Variants in MBD3L1 observed in about 807,000 individuals in gnomAD.
MBD3L1 encodes methyl-CpG binding domain protein 3 like 1.
For missense variants in MBD3L1, 203 were observed against 230.1 expected, an observed-to-expected ratio of 0.88 and a Z score of 0.76; for synonymous variants, 84 against 85.1, an observed-to-expected ratio of 0.99 and a Z score of 0.07.
At chr19:8,839,337 C>G (rs1387153973) in intron 1 of MBD3L1, among the ~76,000 whole-genome samples, 1 of 151,778 alleles carries the variant, frequency 6.6e-6, no homozygotes, top group Non-Finnish European at 1.5e-5. Context: ...GTGTGTGCCA[C>G]CACACCCACC....
intron 1 of MBD3L1, among the ~76,000 whole-genome samples, chr19:8,840,556 C>A (rs1045409844): frequency 2.0e-5 from 3 of 152,184 alleles, no homozygotes; most frequent in African/African-American, 7.2e-5. Flanking sequence ...CCTCCCGCCT[C>A]AGCCTACCAA....
At position 8,843,091 on chromosome 19, in the gene MBD3L1, G is replaced by T; in HGVS notation, c.413G>T (p.Gly138Val). 1 of 1,613,886 alleles carries T rather than the reference G, an allele frequency of 6.2e-7. No individual in the cohort carries two copies. Among genetic ancestry groups the T allele is most frequent in the Non-Finnish European group, 8.5e-7 (1 of 1,179,900 alleles). Reference sequence around the variant, plus strand: ...GAGATAATTCCTGCAGAGGGAGTGGGTATCTCGCAGCTCCTCTGCAAACAA... The same window carrying T: ...GAGATAATTCCTGCAGAGGGAGTGGTTATCTCGCAGCTCCTCTGCAAACAA... ...AVEIIPAEGV[G>V]ISQLLCKQFL... Residue 138 changes from glycine (G) to valine (V), a missense_variant, in exon 3 of 3, where the codon GGT (glycine) becomes GTT (valine). By Grantham distance (109) the Gly-to-Val change is moderately radical (BLOSUM62 -3). Transcript: ENST00000595891.
intron 2 of MBD3L1, among the ~76,000 whole-genome samples, chr19:8,841,419 C>A (rs1290279277): frequency 6.6e-6 from 1 of 152,006 alleles, no homozygotes. Context: ...ATACGGAGGT[C>A]CGGAGTAATT....
chr19:8,838,252 C>CAAA (rs542318207), intron 1 of MBD3L1, among the ~76,000 whole-genome samples: 177 of 11,826 alleles, frequency 0.015, 50 homozygotes, highest in African/African-American at 0.037. Flanking sequence ...GACTCCATCT[C>CAAA]AAAAAAAAAA....
chr19:8,835,697 CAT>C (rs35954838), intron 1 of MBD3L1, among the ~76,000 whole-genome samples: 95,178 of 151,794 alleles, frequency 0.63, 30,577 homozygotes, highest in Middle Eastern at 0.78. Flanking sequence ...GAAATGAAAA[CAT>C]GTGTTCACAT....
chr19:8,842,278 G>T (rs112171049), intron 2 of MBD3L1, among the ~76,000 whole-genome samples: 5,220 of 142,200 alleles, frequency 0.037, 314 homozygotes, highest in African/African-American at 0.13. Context: ...AGTGAGCTGT[G>T]ATTGCACCAC....
intron 1 of MBD3L1, among the ~76,000 whole-genome samples, chr19:8,833,753 C>T (rs986223747): frequency 6.6e-6 from 1 of 152,192 alleles, no homozygotes; most frequent in Admixed American, 6.5e-5. Context: ...CTTTGGGAGG[C>T]CGAGGCAGGC....
At chr19:8,839,608 T>A (rs1164284887) in intron 1 of MBD3L1, among the ~76,000 whole-genome samples, 1 of 152,120 alleles carries the variant, frequency 6.6e-6, no homozygotes, top group Non-Finnish European at 1.5e-5. Flanking sequence ...AGATGAATAA[T>A]GAGAATTCCT....
At chr19:8,838,530 C>T (rs1411341791) in intron 1 of MBD3L1, among the ~76,000 whole-genome samples, 2 of 152,118 alleles carry the variant, frequency 1.3e-5, no homozygotes, top group African/African-American at 4.8e-5. Flanking sequence ...TAGATAAGCA[C>T]CAATATAGCA....
chr19:8,841,624 T>G (rs2044513519), intron 2 of MBD3L1, among the ~76,000 whole-genome samples: 1 of 152,110 alleles, frequency 6.6e-6, no homozygotes, highest in Non-Finnish European at 1.5e-5. Flanking sequence ...TGGTGCGATC[T>G]CGGCTCACTG....
rs1357605278 is a variant in MBD3L1, at chr19:8,837,713, T to G, written c.-106-3202T>G. Reference sequence around the variant, plus strand: ...CAGAGTACCTGAGATCTGAGGATACTTTATACTCTGATAGTCACTTCCGGC... The same window carrying G: ...CAGAGTACCTGAGATCTGAGGATACGTTATACTCTGATAGTCACTTCCGGC... On this transcript the variant is annotated intron_variant, in intron 1 of 2. Transcript: ENST00000595891. Among the ~76,000 whole-genome samples the G allele has an allele frequency of 2.0e-5, 3 of 152,190 alleles. No individual in the cohort carries two copies. The East Asian group carries it at 5.8e-4, about 29-fold the overall frequency.
intron 1 of MBD3L1, among the ~76,000 whole-genome samples, chr19:8,838,883 C>T (rs1032135808): frequency 6.6e-6 from 1 of 152,208 alleles, no homozygotes; most frequent in South Asian, 2.1e-4. Context: ...CAGATAAGGT[C>T]GTGTTCCTGG....
In MBD3L1 at chr19:8,832,600, C is replaced by A. The variant is rs182743880; in HGVS notation, c.-107+78C>A. 6.8e-3 allele frequency: 1,029 copies of A among 151,442 alleles called. 6 individuals carry two copies. Among genetic ancestry groups the A allele is most frequent in the Non-Finnish European group, 0.01 (716 of 68,292 alleles). The allele number at this position is 151,442 out of a possible 1,614,324, so 9.4% of individuals were successfully genotyped here. On this transcript the variant is annotated intron_variant, in intron 1 of 2. Transcript: ENST00000595891. ...GGCGGGGCTGGTTGTGGGCGGAGAT[C>A]AGTTCCGGGGCGGGGCTGAAGGCGG... is the stretch of plus-strand genomic sequence containing the variant.
At chr19:8,838,154 A>G (rs980215638) in intron 1 of MBD3L1, among the ~76,000 whole-genome samples, 17 of 149,190 alleles carry the variant, frequency 1.1e-4, no homozygotes, top group African/African-American at 4.2e-4. Context: ...AGGCTGAGGC[A>G]GGAGAATCGC....
At position 8,842,674 on chromosome 19, in the gene MBD3L1, G is replaced by A; in HGVS notation, c.-5G>A. 1.2e-6 allele frequency: 2 copies of A among 1,611,424 alleles called. No homozygotes were observed. The highest frequency in any genetic ancestry group is 1.7e-6 in the Non-Finnish European group (2 of 1,178,326). On this transcript the variant is annotated 5_prime_UTR_variant, in exon 3 of 3. In the 5' UTR this introduces an upstream ATG that the reference lacks. Coordinates refer to ENST00000595891, the MANE Select transcript of MBD3L1 (RefSeq NM_001393532.1). ...TTTTAATAGTGTAAGAGGAAAAGAAGTGTGATGGCCAAGAGTTCACAGAGG... is the reference window on the plus strand; with the variant it reads ...TTTTAATAGTGTAAGAGGAAAAGAAATGTGATGGCCAAGAGTTCACAGAGG...
At chr19:8,841,273 C>T (rs1343172640) in intron 2 of MBD3L1, among the ~76,000 whole-genome samples, 1 of 150,838 alleles carries the variant, frequency 6.6e-6, no homozygotes, top group Non-Finnish European at 1.5e-5. Context: ...CTCAAGTGAT[C>T]CACCCACCTC....
intron 1 of MBD3L1, among the ~76,000 whole-genome samples, chr19:8,836,722 G>A (rs892688065): frequency 6.6e-6 from 1 of 152,128 alleles, no homozygotes; most frequent in Non-Finnish European, 1.5e-5. Context: ...GAACTCCTGA[G>A]CGCAAGCAAT....
intron 1 of MBD3L1, among the ~76,000 whole-genome samples, chr19:8,839,930 T>A (rs1473499462): frequency 6.6e-6 from 1 of 152,060 alleles, no homozygotes; most frequent in Non-Finnish European, 1.5e-5. Flanking sequence ...GCATCTGTAA[T>A]CCCAGCACTT....
At chr19:8,839,204 A>C (rs1400125967) in intron 1 of MBD3L1, among the ~76,000 whole-genome samples, 1 of 34,418 alleles carries the variant, frequency 2.9e-5, no homozygotes, top group Admixed American at 2.8e-4. Context: ...TTTTTTTTTG[A>C]GACAGAGTCT....
Sources: gnomAD v4.1 joint callset for allele counts (sites outside exome capture counted in the v4.1 genomes callset) on GRCh38, gnomAD v4.1.1 for gene constraint, MANE v1.5 for transcripts, NCBI Gene and HGNC (gene_info 2026-07-23, HGNC 2026-07-21) for gene names.